FAM76A: variants seen among roughly 807,000 people sequenced by gnomAD.
FAM76A encodes protein FAM76A.
A neutral mutation model predicts 46.2 loss-of-function variants in FAM76A; 32 were observed. The ratio of observed to expected loss-of-function variants is 0.69; its 90% CI spans 0.52 to 0.93. The LOEUF is 0.93. Among genes scored for constraint, FAM76A ranks in the 40% least tolerant of loss-of-function variants. The pLI, the probability that FAM76A is intolerant of heterozygous loss-of-function variation, is 0.00. For synonymous variants in FAM76A, 137 were observed against 127.0 expected, an observed-to-expected ratio of 1.08 and a Z score of -0.53; for missense variants, 274 against 361.5, an observed-to-expected ratio of 0.76 and a Z score of 1.96.
At chr1:27,745,497 A>G (rs893008369) in intron 5 of FAM76A, among the ~76,000 whole-genome samples, 88 of 152,210 alleles carry the variant, frequency 5.8e-4, no homozygotes, top group Non-Finnish European at 2.2e-4. Context: ...TTGTTTAATC[A>G]GCAAGCATTA....
chr1:27,760,580 G>A lies in FAM76A; in HGVS notation c.923G>A (p.Ter308=). 1.2e-6 allele frequency: 2 copies of A among 1,608,940 alleles called. No homozygotes were observed. The highest frequency in any genetic ancestry group is 1.7e-6 in the Non-Finnish European group (2 of 1,177,082). Residue 308 remains the stop codon, a stop_retained_variant, in exon 9 of 9, where the codon TGA becomes TAA. Coordinates refer to ENST00000373954, the MANE Select transcript of FAM76A (RefSeq NM_152660.3). The part of the protein sequence containing the change: ...SEKSGAITSP[*] ...AAGTCAGGAGCTATAACCTCTCCAT[G>A]ACAGACCTCAAGGAGGCTCCCTAGC...
intron 2 of FAM76A, among the ~76,000 whole-genome samples, chr1:27,730,834 G>A (rs2148565419): frequency 6.6e-6 from 1 of 152,230 alleles, no homozygotes; most frequent in South Asian, 2.1e-4. Flanking sequence ...GTGTGTGTGT[G>A]TGACAGGGTC....
rs775190998 is a variant in FAM76A at position 27,755,349 on chromosome 1, C to T, written c.735+19C>T. On this transcript the variant is annotated intron_variant, in intron 7 of 8. Coordinates refer to ENST00000373954, the MANE Select transcript of FAM76A (RefSeq NM_152660.3). ...GAAGAAGGTATGGTTTAGTTAATTC[C>T]TCTCTGACCAGAATGATGCGAGGGT... The T allele has an allele frequency of 5.0e-6, 8 of 1,613,426 alleles. No homozygotes were observed. The South Asian group carries it at 8.8e-5, about 18-fold the overall frequency.
At chr1:27,742,587 G>A (rs1176407204) in intron 4 of FAM76A, among the ~76,000 whole-genome samples, 2 of 152,228 alleles carry the variant, frequency 1.3e-5, no homozygotes, top group African/African-American at 2.4e-5. Flanking sequence ...TAAAACTGAG[G>A]TATAGGAGGG....
intron 6 of FAM76A, 90 bp downstream of exon 6, chr1:27,749,244 A>C: frequency 1.3e-6 from 1 of 760,776 alleles, no homozygotes; most frequent in Non-Finnish European, 2.1e-6. Flanking sequence ...CCTTGGAATT[A>C]GTCTGTGGCT....
chr1:27,736,969 G>A (rs917362443), intron 4 of FAM76A, among the ~76,000 whole-genome samples: 3 of 150,458 alleles, frequency 2.0e-5, no homozygotes, highest in South Asian at 2.1e-4. Context: ...TGTTTGAGAC[G>A]GAGTTTCGCT....
intron 4 of FAM76A, 110 bp downstream of exon 4, chr1:27,734,293 A>T (rs1449031852): frequency 3.5e-6 from 4 of 1,143,270 alleles, no homozygotes; most frequent in Non-Finnish European, 4.8e-6. Flanking sequence ...CATGCCTGTA[A>T]TCCCAGCACT....
At chr1:27,757,791 A>C (rs546062058) in intron 7 of FAM76A, among the ~76,000 whole-genome samples, 4 of 152,130 alleles carry the variant, frequency 2.6e-5, no homozygotes, top group African/African-American at 9.7e-5. Context: ...CCTGGCTAAC[A>C]CGGTGAAACC....
chr1:27,739,809 A>G (rs545132257), intron 4 of FAM76A: 35 of 172,710 alleles, frequency 2.0e-4, no homozygotes, highest in African/African-American at 9.5e-4. Context: ...CTTGCTTTGA[A>G]TTCATGTTAG....
chr1:27,748,814 G>C (rs558518132), intron 5 of FAM76A, among the ~76,000 whole-genome samples: 1 of 152,106 alleles, frequency 6.6e-6, no homozygotes, highest in Non-Finnish European at 1.5e-5. Flanking sequence ...TTGTTCTCAT[G>C]GTTATTAATA....
chr1:27,733,916 C>A, intron 3 of FAM76A, 115 bp from the exon 4 acceptor site: 1 of 981,064 alleles, frequency 1.0e-6, no homozygotes, highest in Non-Finnish European at 1.5e-6. Context: ...TTTATGAAGT[C>A]GGCAATACAT....
chr1:27,752,218 TTTGA>T (rs1205747333), intron 6 of FAM76A, among the ~76,000 whole-genome samples: 2 of 152,218 alleles, frequency 1.3e-5, no homozygotes, highest in Non-Finnish European at 2.9e-5. Context: ...TTGAGTTATG[TTTGA>T]TTATTTTTCC....
At chr1:27,730,166 TTTTC>T (rs2087930089) in intron 2 of FAM76A, 1 of 202,200 alleles carries the variant, frequency 4.9e-6, no homozygotes, top group Admixed American at 5.9e-5. Flanking sequence ...TTAGTTTTTC[TTTTC>T]TTTTTCTTTT....
At chr1:27,746,333 C>T (rs1284536046) in intron 5 of FAM76A, among the ~76,000 whole-genome samples, 1 of 152,052 alleles carries the variant, frequency 6.6e-6, no homozygotes, top group Non-Finnish European at 1.5e-5. Flanking sequence ...AGAAATGGGT[C>T]TAGTTTTGGA....
At chr1:27,740,849 C>G (rs2088138823) in intron 4 of FAM76A, among the ~76,000 whole-genome samples, 1 of 151,840 alleles carries the variant, frequency 6.6e-6, no homozygotes, top group Non-Finnish European at 1.5e-5. Context: ...CATGTGGGGC[C>G]CGGGTGTGGT....
intron 7 of FAM76A, among the ~76,000 whole-genome samples, chr1:27,757,334 C>G (rs149354954): frequency 1.3e-3 from 198 of 149,686 alleles, no homozygotes; most frequent in Non-Finnish European, 2.4e-3. Flanking sequence ...CTAGCTGGGA[C>G]TACAGGCGTG....
At chr1:27,742,997 A>C (rs2088181349) in intron 4 of FAM76A, among the ~76,000 whole-genome samples, 1 of 152,142 alleles carries the variant, frequency 6.6e-6, no homozygotes, top group Non-Finnish European at 1.5e-5. Context: ...CAGGAGATGG[A>C]GGTTGCAGTG....
intron 4 of FAM76A, among the ~76,000 whole-genome samples, chr1:27,738,273 C>T (rs550148017): frequency 6.6e-5 from 10 of 151,792 alleles, no homozygotes; most frequent in Non-Finnish European, 1.3e-4. Flanking sequence ...GGGTGGATCA[C>T]GAGGTCAGGA....
chr1:27,759,836 T>C (rs2088476733), intron 8 of FAM76A: 1 of 575,710 alleles, frequency 1.7e-6, no homozygotes, highest in Non-Finnish European at 3.2e-6. Context: ...GGCACGATCA[T>C]GGCTTACTGC....
Sources: allele counts gnomAD v4.1 joint callset (sites outside exome capture counted in the v4.1 genomes callset), GRCh38; gene constraint gnomAD v4.1.1; transcripts MANE v1.5; gene names NCBI Gene and HGNC (gene_info 2026-07-23, HGNC 2026-07-21).